Variants in SNAPC2 observed in about 807,000 individuals in gnomAD.
SNAPC2 encodes the protein snRNA-activating protein complex subunit 2.
SNAPC2 carries 27 observed loss-of-function variants against 22.9 expected under a neutral mutation model. That is an observed-to-expected ratio of 1.18 (90% CI 0.87 to 1.63). The LOEUF is 1.63. Among genes scored for constraint, SNAPC2 ranks in the 40% most tolerant of loss-of-function variants. The pLI is 0.00. For missense variants in SNAPC2, 570 were observed against 449.1 expected, an observed-to-expected ratio of 1.27 and a Z score of -2.43; for synonymous variants, 272 against 201.0, an observed-to-expected ratio of 1.35 and a Z score of -2.99.
At position 7,922,617 on chromosome 19, in the gene SNAPC2, C is replaced by T; in HGVS notation, c.858C>T (p.Ser286=). The T allele has an allele frequency of 1.9e-6, 3 of 1,613,614 alleles. No homozygotes were observed. Among genetic ancestry groups the T allele is most frequent in the Non-Finnish European group, 2.5e-6 (3 of 1,179,948 alleles). ...CAGCAGAAGGGGATGGGGCTGGCTC[C>T]AAGGCACCAGAGGAGACCCCCCCAG... ...GPAAEGDGAG[S]KAPEETPPAT... The change falls in exon 5 of 5, where the codon TCC becomes TCT. Residue 286 remains serine (S), a synonymous_variant. Coordinates refer to ENST00000221573, the MANE Select transcript of SNAPC2 (RefSeq NM_003083.4).
Position 7,922,523 on chromosome 19 carries a change from A to T in SNAPC2, c.764A>T (p.His255Leu). ...PLLPCTALVE[H>L]MTETYLRLTA... is the part of the protein sequence containing the mutation. The stretch of plus-strand genomic sequence containing the variant: ...CTGCCCTGCACAGCCCTGGTTGAGC[A>T]TATGACGGAGACGTACCTACGCCTG... Residue 255 changes from histidine (H) to leucine (L), a missense_variant, in exon 5 of 5, where the codon CAT becomes CTT. Coordinates refer to ENST00000221573, the MANE Select transcript of SNAPC2 (RefSeq NM_003083.4). 1 of 1,612,506 alleles carries T rather than the reference A, an allele frequency of 6.2e-7. No homozygotes were observed. Among genetic ancestry groups the T allele is most frequent in the Non-Finnish European group, 8.5e-7 (1 of 1,179,184 alleles).
Position 7,922,094 on chromosome 19 carries a change from C to T in SNAPC2, c.432C>T (p.Pro144=), listed in dbSNP as rs1232746848. The part of the protein sequence containing the change: ...VTLLHSKPPK[P]TQARGKPLLL... Reference sequence around the variant, plus strand: ...TCCTGCACTCCAAGCCCCCCAAGCCCACGCAGGCCCGTGGAAAGCCTTTGC... The same window carrying T: ...TCCTGCACTCCAAGCCCCCCAAGCCTACGCAGGCCCGTGGAAAGCCTTTGC... The change falls in exon 4 of 5, where the codon CCC becomes CCT. Residue 144 remains proline, a synonymous_variant. Coordinates refer to ENST00000221573, the MANE Select transcript of SNAPC2 (RefSeq NM_003083.4). 10 of 1,613,818 alleles carry T rather than the reference C, an allele frequency of 6.2e-6. No homozygotes were observed. In the South Asian group the frequency reaches 1.1e-4, roughly 18 times the overall value.
At position 7,922,087 on chromosome 19, in the gene SNAPC2, C is replaced by A. The variant is rs754948243; in HGVS notation, c.425C>A (p.Pro142His). 3 of 1,613,876 alleles carry A rather than the reference C, an allele frequency of 1.9e-6. No homozygotes were observed. Among genetic ancestry groups the A allele is most frequent in the Admixed American group, 1.7e-5 (1 of 59,998 alleles). ...EPVTLLHSKP[P>H]KPTQARGKPL... ...GTCACCCTCCTGCACTCCAAGCCCC[C>A]CAAGCCCACGCAGGCCCGTGGAAAG... The change falls in exon 4 of 5, where the codon CCC (proline) becomes CAC (histidine). Residue 142 changes from proline to histidine, a missense_variant. Transcript: ENST00000221573.
Position 7,921,771 on chromosome 19 carries a change from C to T in SNAPC2, c.370C>T (p.Gln124Ter). The change falls in exon 3 of 5, where the codon CAG becomes TAG. Residue 124 changes from glutamine to a stop codon, truncating the protein, a stop_gained and splice_region_variant. Transcript: ENST00000221573. LOFTEE classifies it high-confidence loss of function. ...AGAAGCCCTGGCAGTGGCTTTCTCGCAGGTACCGCCATTCCCCCAGGCAGG... is the reference window on the plus strand; with the variant it reads ...AGAAGCCCTGGCAGTGGCTTTCTCGTAGGTACCGCCATTCCCCCAGGCAGG... ...LEEALAVAFS[Q>*]VLTIAATEPV... 2 of 1,612,286 alleles carry T rather than the reference C, an allele frequency of 1.2e-6. No homozygotes were observed. Among genetic ancestry groups the T allele is most frequent in the Admixed American group, 1.7e-5 (1 of 59,820 alleles).
In SNAPC2 at chr19:7,922,971, G is replaced by A; in HGVS notation, c.*207G>A. 3.8e-6 allele frequency: 2 copies of A among 522,332 alleles called. No individual in the cohort carries two copies. The highest frequency in any genetic ancestry group is 6.7e-6 in the Non-Finnish European group (2 of 297,160). The allele number at this position is 522,332 out of a possible 1,614,324, so 32.4% of individuals were successfully genotyped here. A position where few individuals can be genotyped will look rare whatever the true frequency, so the allele number is the denominator to read the frequency against. On this transcript the variant is annotated 3_prime_UTR_variant, in exon 5 of 5. Coordinates refer to ENST00000221573, the MANE Select transcript of SNAPC2 (RefSeq NM_003083.4). ...GTACAGGGGTTGGGTGGGGGTTGCA[G>A]GACTCCACTCACAAGCCTCCTGATG...
chr19:7,920,536 G>C lies in SNAPC2; in HGVS notation c.170G>C (p.Arg57Pro), dbSNP rs753900747. 2.7e-4 allele frequency: 388 copies of C among 1,425,382 alleles called. No homozygotes were observed. The highest frequency in any genetic ancestry group is 3.2e-4 in the Non-Finnish European group (348 of 1,094,576). 88.3% of individuals were successfully genotyped at this position (1,425,382 alleles called of 1,614,324 possible). A position where few individuals can be genotyped will look rare whatever the true frequency, so the allele number is the denominator to read the frequency against. Reference sequence around the variant, plus strand: ...GAGCTGGCCCGGGAGCTGCGGGGCCGGAGCGAGGCTGAGGTGAGATGCGGT... The same window carrying C: ...GAGCTGGCCCGGGAGCTGCGGGGCCCGAGCGAGGCTGAGGTGAGATGCGGT... ...ATELARELRG[R>P]SEAEIRVFLQ... The change falls in exon 1 of 5, where the codon CGG (arginine) becomes CCG (proline). Residue 57 changes from arginine (R) to proline (P), a missense_variant. Transcript: ENST00000221573.
Position 7,922,204 on chromosome 19 carries a change from C to G in SNAPC2, c.542C>G (p.Thr181Ser). ...APAAPSSAPR[T>S]PDPAPEKPSE... ...GCTGCACCTAGCTCCGCACCCAGGACTCCTGACCCTGCCCCTGAGAAACCT... is the reference window on the plus strand; with the variant it reads ...GCTGCACCTAGCTCCGCACCCAGGAGTCCTGACCCTGCCCCTGAGAAACCT... Residue 181 changes from threonine to serine, a missense_variant, in exon 4 of 5, where the codon ACT becomes AGT. Thr to Ser is a moderately conservative substitution (Grantham distance 58). Transcript: ENST00000221573. The G allele has an allele frequency of 6.2e-7, 1 of 1,614,160 alleles. No homozygotes were observed. The highest frequency in any genetic ancestry group is 1.1e-5 in the South Asian group (1 of 91,084).
rs1293419678 is a variant in SNAPC2 at position 7,921,502 on chromosome 19, G to C, written c.263G>C (p.Gly88Ala). ...AAAGTGCATCCGGGTGGCCTTCAGG[G>C]ACCAAGGCGCCGGGAGGCACAGCCC... Reference protein sequence around the residue: ...IQKVHPGGLQGPRRREAQPPA... With the variant: ...IQKVHPGGLQAPRRREAQPPA... Residue 88 changes from glycine (G) to alanine (A), a missense_variant, in exon 2 of 5, where the codon GGA (glycine) becomes GCA (alanine). Coordinates refer to ENST00000221573, the MANE Select transcript of SNAPC2 (RefSeq NM_003083.4). The C allele has an allele frequency of 6.2e-7, 1 of 1,613,616 alleles. No individual in the cohort carries two copies. The highest frequency in any genetic ancestry group is 8.5e-7 in the Non-Finnish European group (1 of 1,179,858).
At position 7,922,127 on chromosome 19, in the gene SNAPC2, C is replaced by T. The variant is rs763886500; in HGVS notation, c.465C>T (p.Ser155=). Residue 155 remains serine, a synonymous_variant, in exon 4 of 5, where the codon AGC becomes AGT. Coordinates refer to ENST00000221573, the MANE Select transcript of SNAPC2 (RefSeq NM_003083.4). Reference sequence around the variant, plus strand: ...CCCGTGGAAAGCCTTTGCTCCTGAGCGCCCCTGGAGGACAGGAAGACCCCG... The same window carrying T: ...CCCGTGGAAAGCCTTTGCTCCTGAGTGCCCCTGGAGGACAGGAAGACCCCG... ...TQARGKPLLL[S]APGGQEDPAP... 76 of 1,614,004 alleles carry T rather than the reference C, an allele frequency of 4.7e-5. No individual in the cohort carries two copies. In the East Asian group the frequency reaches 1.4e-3, roughly 29 times the overall value.
chr19:7,921,859 T>C, intron 3 of SNAPC2, 86 bp downstream of exon 3: 3 of 1,466,878 alleles, frequency 2.0e-6, no homozygotes, highest in Non-Finnish European at 1.9e-6. Context: ...TCCTGGGCCC[T>C]TTTGCCAGCT....
chr19:7,921,586 G>A (rs966973201), intron 2 of SNAPC2, 44 bp downstream of exon 2: 2 of 1,603,258 alleles, frequency 1.2e-6, no homozygotes, highest in Middle Eastern at 1.7e-4. Context: ...GCAGGTCCCT[G>A]GTGGGTAGGT....
chr19:7,921,785 C>A lies in SNAPC2; in HGVS notation c.372+12C>A, dbSNP rs777636439. On this transcript the variant is annotated intron_variant, in intron 3 of 4. Coordinates refer to ENST00000221573, the MANE Select transcript of SNAPC2 (RefSeq NM_003083.4). ...TGGCTTTCTCGCAGGTACCGCCATT[C>A]CCCCAGGCAGGTCAGGGTGTCCCAG... 8 of 1,610,380 alleles carry A rather than the reference C, an allele frequency of 5.0e-6. No individual in the cohort carries two copies. Among genetic ancestry groups the A allele is most frequent in the Non-Finnish European group, 6.8e-6 (8 of 1,177,818 alleles).
At position 7,922,648 on chromosome 19, in the gene SNAPC2, G is replaced by T. The variant is rs146782841; in HGVS notation, c.889G>T (p.Glu297Ter). ...KAPEETPPATEKAEHSELKSP... is the reference protein window; with the variant it reads ...KAPEETPPAT ...ACCAGAGGAGACCCCCCCAGCCACCGAGAAGGCCGAGCACAGCGAACTGAA... is the reference window on the plus strand; with the variant it reads ...ACCAGAGGAGACCCCCCCAGCCACCTAGAAGGCCGAGCACAGCGAACTGAA... Residue 297 changes from glutamate to a stop codon, truncating the protein, a stop_gained, in exon 5 of 5, where the codon GAG (glutamate) becomes TAG (stop). Transcript: ENST00000221573. LOFTEE classifies it low-confidence loss of function (END_TRUNC). The T allele has an allele frequency of 2.5e-6, 4 of 1,613,520 alleles. No individual in the cohort carries two copies. The highest frequency in any genetic ancestry group is 3.4e-6 in the Non-Finnish European group (4 of 1,179,966).
At position 7,922,918 on chromosome 19, in the gene SNAPC2, T is replaced by G. The variant is rs1011895357; in HGVS notation, c.*154T>G. The G allele has an allele frequency of 8.3e-6, 5 of 605,652 alleles. No homozygotes were observed. The highest frequency in any genetic ancestry group is 1.4e-5 in the Non-Finnish European group (5 of 356,780). 37.5% of individuals were successfully genotyped at this position (605,652 alleles called of 1,614,324 possible). On this transcript the variant is annotated 3_prime_UTR_variant, in exon 5 of 5. Transcript: ENST00000221573. ...CGGGCCTCTAAGATGCCCCATACTT[T>G]GGGGGTCTCAGAAATGGAACCCCCG...
rs149722850 is a variant in SNAPC2, at chr19:7,921,509, G to A, written c.270G>A (p.Arg90=). 6.8e-6 allele frequency: 11 copies of A among 1,613,492 alleles called. No homozygotes were observed. The highest frequency in any genetic ancestry group is 9.3e-6 in the Non-Finnish European group (11 of 1,179,800). Residue 90 remains arginine, a synonymous_variant, in exon 2 of 5, where the codon AGG becomes AGA. Transcript: ENST00000221573. ...KVHPGGLQGP[R]RREAQPPAPI... ...ATCCGGGTGGCCTTCAGGGACCAAG[G>A]CGCCGGGAGGCACAGCCCCCAGCCC...
rs780297936 is a variant in SNAPC2, at chr19:7,922,278, T to C, written c.616T>C (p.Phe206Leu). The change falls in exon 4 of 5, where the codon TTT (phenylalanine) becomes CTT (leucine). Residue 206 changes from phenylalanine (F) to leucine (L), a missense_variant. Physicochemically the swap from Phe to Leu is conservative, Grantham distance 22. Transcript: ENST00000221573. The part of the protein sequence containing the change: ...PSTEEDFAVD[F>L]EKIYKYLSSV... ...CACTGAAGAAGACTTTGCTGTGGAC[T>C]TTGAGAAGATCTACAAGTACTTGTC... 6.2e-6 allele frequency: 10 copies of C among 1,613,938 alleles called. No individual in the cohort carries two copies. The South Asian group carries it at 9.9e-5, about 16-fold the overall frequency.
intron 1 of SNAPC2, 25 bp from the exon 2 acceptor site, chr19:7,921,398 A>ATTCCGCCGCCTCT: frequency 6.2e-7 from 1 of 1,613,726 alleles, no homozygotes; most frequent in East Asian, 2.2e-5. Context: ...TAGAAGCCTC[A>ATTCCGCCGCCTCT]TTCCGCCGCC....
In SNAPC2 at chr19:7,922,438, T is replaced by C. The variant is rs1211848879; in HGVS notation, c.686-7T>C. Reference sequence around the variant, plus strand: ...TCCCCTTACCCCTCTCCTCCATCCATCACTAGAGTCCGCTGTGGTCCTCGA... The same window carrying C: ...TCCCCTTACCCCTCTCCTCCATCCACCACTAGAGTCCGCTGTGGTCCTCGA... On this transcript the variant is annotated splice_region_variant and splice_polypyrimidine_tract_variant and intron_variant, in intron 4 of 4. Transcript: ENST00000221573. 6.3e-7 allele frequency: 1 copy of C among 1,583,026 alleles called. No homozygotes were observed. The highest frequency in any genetic ancestry group is 1.2e-5 in the South Asian group (1 of 86,718).
rs1157906460 is a variant in SNAPC2 at position 7,922,432 on chromosome 19, C to T, written c.686-13C>T. On this transcript the variant is annotated splice_polypyrimidine_tract_variant and intron_variant, in intron 4 of 4. Coordinates refer to ENST00000221573, the MANE Select transcript of SNAPC2 (RefSeq NM_003083.4). ...GGGGTGTCCCCTTACCCCTCTCCTC[C>T]ATCCATCACTAGAGTCCGCTGTGGT... is the stretch of plus-strand genomic sequence containing the variant. 6.3e-7 allele frequency: 1 copy of T among 1,581,940 alleles called. No homozygotes were observed. The highest frequency in any genetic ancestry group is 8.6e-7 in the Non-Finnish European group (1 of 1,161,994).
Sources: allele counts gnomAD v4.1 joint callset, GRCh38; gene constraint gnomAD v4.1.1; transcripts MANE v1.5; gene names NCBI Gene and HGNC (gene_info 2026-07-23, HGNC 2026-07-21).